Variants in CCNT2 observed in about 807,000 individuals in gnomAD.
CCNT2 encodes cyclin T2.
In CCNT2, 18 loss-of-function variants were observed where a neutral mutation model predicts 70.0. The observed-to-expected ratio is 0.26, with a 90% CI of 0.18 to 0.38. The LOEUF (loss-of-function observed/expected upper bound fraction) is 0.38, where lower values mean the gene tolerates loss of function less well. Ranked by LOEUF, CCNT2 falls within the 10% of genes least tolerant of loss-of-function variation. The probability of loss-of-function intolerance (pLI) is 1.00; values close to 1 mark genes in which losing one functional copy is unlikely to be tolerated. For synonymous variants in CCNT2, 334 were observed against 313.3 expected, an observed-to-expected ratio of 1.07 and a Z score of -0.70; for missense variants, 734 against 890.2, an observed-to-expected ratio of 0.82 and a Z score of 2.23.
intron 1 of CCNT2, 70 bp from the exon 2 acceptor site, chr2:134,919,740 T>A: frequency 1.6e-6 from 2 of 1,232,792 alleles, no homozygotes; most frequent in Non-Finnish European, 2.3e-6. Flanking sequence ...AACCTGGGAA[T>A]TTTCCATCAA....
At chr2:134,945,217 A>C (rs1484175370) in intron 5 of CCNT2, 4 of 985,294 alleles carry the variant, frequency 4.1e-6, no homozygotes, top group Non-Finnish European at 4.8e-6. Flanking sequence ...TGAATAAAAA[A>C]TAGGGGAGGG....
intron 3 of CCNT2, among the ~76,000 whole-genome samples, chr2:134,938,106 A>T (rs1559100938): frequency 6.6e-6 from 1 of 152,198 alleles, no homozygotes; most frequent in Non-Finnish European, 1.5e-5. Context: ...TGTAGCCATT[A>T]AATAATAGGT....
At chr2:134,937,933 T>C (rs1055350469) in intron 3 of CCNT2, among the ~76,000 whole-genome samples, 2 of 152,180 alleles carry the variant, frequency 1.3e-5, no homozygotes, top group African/African-American at 4.8e-5. Flanking sequence ...AATTTTTTTT[T>C]CTAGCATCCT....
At chr2:134,941,124 G>A (rs1319825276) in intron 4 of CCNT2, among the ~76,000 whole-genome samples, 1 of 152,136 alleles carries the variant, frequency 6.6e-6, no homozygotes, top group African/African-American at 2.4e-5. Context: ...GGAAGGTGAA[G>A]GATCTAAAGC....
chr2:134,954,829 C>T lies in CCNT2; in HGVS notation c.*181C>T, dbSNP rs138622899. ...ATTATAGTAAACAAGTCTTTATCTCCACATATGATAGTGTTATAAATACTG... is the reference window on the plus strand; with the variant it reads ...ATTATAGTAAACAAGTCTTTATCTCTACATATGATAGTGTTATAAATACTG... On this transcript the variant is annotated 3_prime_UTR_variant, in exon 9 of 9. Transcript: ENST00000264157. The T allele has an allele frequency of 1.7e-6, 1 of 578,108 alleles. No homozygotes were observed. Among genetic ancestry groups the T allele is most frequent in the East Asian group, 2.8e-5 (1 of 35,668 alleles). 35.8% of individuals were successfully genotyped at this position (578,108 alleles called of 1,614,324 possible). A position where few individuals can be genotyped will look rare whatever the true frequency, so the allele number is the denominator to read the frequency against.
rs1332131546 is a variant in CCNT2, at chr2:134,918,918, C to T, written c.64C>T (p.Pro22Ser). 1 of 1,614,064 alleles carries T rather than the reference C, an allele frequency of 6.2e-7. No homozygotes were observed. The highest frequency in any genetic ancestry group is 8.5e-7 in the Non-Finnish European group (1 of 1,179,954). ...TACTCGGGAACAGCTGGAGAACACG[C>T]CGAGCCGCCGCTGCGGAGTGGAGGC... ...FFTREQLENT[P>S]SRRCGVEADK... is the part of the protein sequence containing the mutation. Residue 22 changes from proline (P) to serine (S), a missense_variant, in exon 1 of 9, where the codon CCG (proline) becomes TCG (serine). This residue lies in a region of CCNT2 where 41 missense variants were observed against 29.5 expected (regional missense o/e 1.39). Coordinates refer to ENST00000264157, the MANE Select transcript of CCNT2 (RefSeq NM_058241.3).
chr2:134,935,503 G>A (rs1377139702), intron 2 of CCNT2, among the ~76,000 whole-genome samples: 1 of 152,072 alleles, frequency 6.6e-6, no homozygotes, highest in East Asian at 1.9e-4. Flanking sequence ...CCTCCAGTTT[G>A]GCATTGTTTC....
intron 7 of CCNT2, among the ~76,000 whole-genome samples, chr2:134,952,070 T>A (rs1682549897): frequency 6.6e-6 from 1 of 152,152 alleles, no homozygotes; most frequent in Non-Finnish European, 1.5e-5. Flanking sequence ...ACCATAGAAG[T>A]AAATTGGGTC....
rs1681932152 is a variant in CCNT2 at position 134,946,007 on chromosome 2, A to G, written c.494-94A>G. 3.7e-6 allele frequency: 6 copies of G among 1,607,536 alleles called. No individual in the cohort carries two copies. The East Asian group carries it at 1.3e-4, about 36-fold the overall frequency. ...AGTAAGTAAAATTTACTTTTTGTGT[A>G]CAAATCTTTGAAGTTTTTGTTGTGT... On this transcript the variant is annotated intron_variant, in intron 5 of 8. Transcript: ENST00000264157.
intron 2 of CCNT2, among the ~76,000 whole-genome samples, chr2:134,927,624 A>C (rs1680390907): frequency 6.6e-6 from 1 of 152,252 alleles, no homozygotes; most frequent in Non-Finnish European, 1.5e-5. Context: ...GATTTTATAT[A>C]GTTTATAAAC....
At chr2:134,931,711 A>G (rs1680784151) in intron 2 of CCNT2, among the ~76,000 whole-genome samples, 2 of 152,114 alleles carry the variant, frequency 1.3e-5, no homozygotes, top group African/African-American at 4.8e-5. Context: ...TATGTAGTAT[A>G]TTTGAATTCC....
At chr2:134,928,179 C>T (rs533689475) in intron 2 of CCNT2, among the ~76,000 whole-genome samples, 4 of 151,758 alleles carry the variant, frequency 2.6e-5, no homozygotes, top group African/African-American at 9.7e-5. Flanking sequence ...TGAGGCTAGT[C>T]TCGAACTCCT....
Position 134,919,127 on chromosome 2 carries a change from C to G in CCNT2, c.158+115C>G, listed in dbSNP as rs143090480. On this transcript the variant is annotated intron_variant, in intron 1 of 8. Transcript: ENST00000264157. ...CGGCCTTCGCTGGGCCTCGGCGCCG[C>G]GGTCAGGGAAGTAATGTTCCGGCTC... 169 of 1,208,728 alleles carry G rather than the reference C, an allele frequency of 1.4e-4. No individual in the cohort carries two copies. The African/African-American group carries it at 2.3e-3, about 16-fold the overall frequency. 74.9% of individuals were successfully genotyped at this position (1,208,728 alleles called of 1,614,324 possible). A position where few individuals can be genotyped will look rare whatever the true frequency, so the allele number is the denominator to read the frequency against.
rs770598285 is a variant in CCNT2 at position 134,953,788 on chromosome 2, C to T, written c.1333C>T (p.Leu445=). Residue 445 remains leucine (L), a synonymous_variant, in exon 9 of 9, where the codon CTA becomes TTA. Coordinates refer to ENST00000264157, the MANE Select transcript of CCNT2 (RefSeq NM_058241.3). ...SLDKYREKRK[L]ETLDLDVRDH... is the part of the protein sequence containing the mutation. ...AGATAAATATAGAGAAAAGCGTAAA[C>T]TAGAAACTCTTGATCTCGATGTAAG... is the stretch of plus-strand genomic sequence containing the variant. The T allele has an allele frequency of 6.2e-7, 1 of 1,613,956 alleles. No individual in the cohort carries two copies. Among genetic ancestry groups the T allele is most frequent in the Non-Finnish European group, 8.5e-7 (1 of 1,179,920 alleles).
chr2:134,946,009 A>G (rs2105070989), intron 5 of CCNT2, 92 bp from the exon 6 acceptor site: 1 of 1,608,226 alleles, frequency 6.2e-7, no homozygotes, highest in Non-Finnish European at 8.5e-7. Context: ...TTTTGTGTAC[A>G]AATCTTTGAA....
intron 2 of CCNT2, among the ~76,000 whole-genome samples, chr2:134,928,162 A>G (rs1680434470): frequency 6.6e-6 from 1 of 151,936 alleles, no homozygotes; most frequent in South Asian, 2.1e-4. Flanking sequence ...GGGTTTCACC[A>G]TATTGGTGAG....
In CCNT2 at chr2:134,953,592, C is replaced by T; in HGVS notation, c.1137C>T (p.Ile379=). ...CTTTGTCTGGTAGCCAGTACAACAT[C>T]AACTTCCAGCAGGGACCTTCTATAT... The part of the protein sequence containing the change: ...ETSLSGSQYN[I]NFQQGPSISL... Residue 379 remains isoleucine, a synonymous_variant, in exon 9 of 9, where the codon ATC becomes ATT. Transcript: ENST00000264157. The T allele has an allele frequency of 6.2e-7, 1 of 1,614,026 alleles. No individual in the cohort carries two copies. The highest frequency in any genetic ancestry group is 1.1e-5 in the South Asian group (1 of 91,080).
At chr2:134,926,265 T>C (rs544157016) in intron 2 of CCNT2, among the ~76,000 whole-genome samples, 1 of 152,348 alleles carries the variant, frequency 6.6e-6, no homozygotes, top group Admixed American at 6.5e-5. Context: ...TCCTGAACTT[T>C]AAAAAGGTGA....
chr2:134,946,527 G>A (rs1573847211), intron 6 of CCNT2: 1 of 445,852 alleles, frequency 2.2e-6, no homozygotes, highest in African/African-American at 2.1e-5. Flanking sequence ...AAAATTTCAC[G>A]TTGATCCAGT....
Sources: allele counts gnomAD v4.1 joint callset (sites outside exome capture counted in the v4.1 genomes callset), GRCh38; gene constraint gnomAD v4.1.1; regional missense constraint gnomAD v4.1.1; transcripts MANE v1.5; gene names NCBI Gene and HGNC (gene_info 2026-07-23, HGNC 2026-07-21).